PRSS23: variants seen among roughly 807,000 people sequenced by gnomAD.
The protein encoded by PRSS23 is protease, serine 23.
PRSS23 carries 25 observed loss-of-function variants against 34.7 expected under a neutral mutation model. The observed-to-expected ratio is 0.72, with a 90% CI of 0.53 to 1.01. PRSS23 has a LOEUF of 1.01. PRSS23 is among the 50% of genes least tolerant of loss of function. PRSS23 has a pLI of 0.00. For synonymous variants in PRSS23, 176 were observed against 186.6 expected, an observed-to-expected ratio of 0.94 and a Z score of 0.46; for missense variants, 445 against 475.6, an observed-to-expected ratio of 0.94 and a Z score of 0.60.
intron 2 of PRSS23, among the ~76,000 whole-genome samples, chr11:86,838,481 G>T (rs1948423524): frequency 6.6e-6 from 1 of 152,168 alleles, no homozygotes; most frequent in Non-Finnish European, 1.5e-5. Context: ...GCTCAAACTG[G>T]CTGGAACCCA....
intron 2 of PRSS23, among the ~76,000 whole-genome samples, chr11:86,839,341 T>C (rs1192851645): frequency 6.6e-6 from 1 of 152,162 alleles, no homozygotes; most frequent in African/African-American, 2.4e-5. Context: ...GAGAACTTCA[T>C]GATGCATGCG....
chr11:86,806,728 CT>C (rs932182064), intron 1 of PRSS23, among the ~76,000 whole-genome samples: 1 of 152,242 alleles, frequency 6.6e-6, no homozygotes, highest in Admixed American at 6.5e-5. Context: ...CATTCATTCA[CT>C]TTTCCATTAA....
intron 2 of PRSS23, among the ~76,000 whole-genome samples, chr11:86,828,943 C>A (rs1948327073): frequency 6.6e-6 from 1 of 152,130 alleles, no homozygotes; most frequent in South Asian, 2.1e-4. Flanking sequence ...TCCTTCATTT[C>A]AACTTTGGTG....
intron 1 of PRSS23, among the ~76,000 whole-genome samples, chr11:86,817,220 T>A (rs577759045): frequency 1.3e-5 from 2 of 152,314 alleles, no homozygotes; most frequent in Middle Eastern, 3.4e-3. Flanking sequence ...ATATTTTGGA[T>A]CATGTTTTTC....
At chr11:86,947,201 TCAAA>T (rs34325935) in intron 2 of PRSS23, 64,702 of 164,810 alleles carry the variant, frequency 0.39, 13,498 homozygotes, top group Middle Eastern at 0.45. Flanking sequence ...AGACCCTGTC[TCAAA>T]CAAACAAACA....
At chr11:86,833,384 C>T (rs909108974) in intron 2 of PRSS23, 3 of 693,238 alleles carry the variant, frequency 4.3e-6, no homozygotes, top group Admixed American at 1.8e-5. Flanking sequence ...CCAGCGAGGG[C>T]CAGCTGCAGT....
intron 2 of PRSS23, among the ~76,000 whole-genome samples, chr11:86,860,881 G>A (rs1948608240): frequency 6.6e-6 from 1 of 151,626 alleles, no homozygotes; most frequent in Non-Finnish European, 1.5e-5. Flanking sequence ...TCCCAATATC[G>A]TAGAAGTGTA....
chr11:86,862,174 A>C (rs917329018), intron 2 of PRSS23, among the ~76,000 whole-genome samples: 1 of 151,940 alleles, frequency 6.6e-6, no homozygotes, highest in Non-Finnish European at 1.5e-5. Context: ...CTCAGTGCGT[A>C]TACTCACTGG....
chr11:86,878,076 A>G (rs1013988426), intron 2 of PRSS23, among the ~76,000 whole-genome samples: 2 of 152,104 alleles, frequency 1.3e-5, no homozygotes, highest in African/African-American at 4.8e-5. Flanking sequence ...TCTTTTTTAT[A>G]TTGTATCAAA....
intron 2 of PRSS23, among the ~76,000 whole-genome samples, chr11:86,943,016 T>C (rs1949216436): frequency 6.6e-6 from 1 of 152,114 alleles, no homozygotes; most frequent in African/African-American, 2.4e-5. Context: ...AAAGCTAAAA[T>C]GGGAAAGAGA....
chr11:86,853,169 G>A (rs116397594), intron 2 of PRSS23, among the ~76,000 whole-genome samples: 2,075 of 149,670 alleles, frequency 0.014, 43 homozygotes, highest in African/African-American at 0.049. Flanking sequence ...TATCCTTTTG[G>A]GATTTATGTA....
chr11:86,896,142 T>C (rs1049475130), intron 2 of PRSS23, among the ~76,000 whole-genome samples: 1 of 152,122 alleles, frequency 6.6e-6, no homozygotes, highest in African/African-American at 2.4e-5. Flanking sequence ...ACCAATTAAG[T>C]TTGCACAGGA....
At chr11:86,929,901 A>G (rs893813095) in intron 2 of PRSS23, among the ~76,000 whole-genome samples, 2 of 152,210 alleles carry the variant, frequency 1.3e-5, no homozygotes, top group Non-Finnish European at 2.9e-5. Context: ...CTGCCAAAAC[A>G]TAAAAGTGAG....
At chr11:86,873,059 A>G (rs1222246034) in intron 2 of PRSS23, among the ~76,000 whole-genome samples, 1 of 151,824 alleles carries the variant, frequency 6.6e-6, no homozygotes, top group East Asian at 1.9e-4. Context: ...CTGATCCTCC[A>G]CTGTATTTCA....
chr11:86,912,709 G>A (rs564490249), intron 2 of PRSS23, among the ~76,000 whole-genome samples: 14 of 151,898 alleles, frequency 9.2e-5, no homozygotes, highest in African/African-American at 3.4e-4. Flanking sequence ...CCTTAACCAC[G>A]GTTATAATAA....
upstream of PRSS23, among the ~76,000 whole-genome samples, chr11:86,799,519 T>C (rs1293390081): frequency 1.3e-5 from 2 of 152,150 alleles, no homozygotes; most frequent in Non-Finnish European, 1.5e-5. Flanking sequence ...CTGTTCCTTA[T>C]AAAAATTAGT....
intron 2 of PRSS23, among the ~76,000 whole-genome samples, chr11:86,928,020 T>C (rs1286152476): frequency 2.6e-5 from 4 of 151,822 alleles, no homozygotes; most frequent in Non-Finnish European, 2.9e-5. Context: ...CACACAGATA[T>C]TAAGCTCTTT....
chr11:86,853,242 CTTTTTTTT>C (rs561682096), intron 2 of PRSS23, among the ~76,000 whole-genome samples: 932 of 47,490 alleles, frequency 0.02, 9 homozygotes, highest in African/African-American at 0.029. Context: ...AAGTGCCTGC[CTTTTTTTT>C]TTTTTTTTTT....
intron 1 of PRSS23, chr11:86,821,317 A>C: frequency 1.5e-6 from 1 of 649,224 alleles, no homozygotes; most frequent in South Asian, 2.2e-5. Flanking sequence ...GATGAAAATA[A>C]ACATGTGAAA....
Sources: allele counts gnomAD v4.1 joint callset (sites outside exome capture counted in the v4.1 genomes callset), GRCh38; gene constraint gnomAD v4.1.1; transcripts MANE v1.5; gene names NCBI Gene and HGNC (gene_info 2026-07-23, HGNC 2026-07-21).